NOPCHAP1: variants seen among roughly 807,000 people sequenced by gnomAD.
NOPCHAP1 encodes the protein NOP protein chaperone 1.
NOPCHAP1 carries 13 observed loss-of-function variants against 14.0 expected under a neutral mutation model. The observed-to-expected ratio is 0.93, with a 90% CI of 0.60 to 1.47. The LOEUF is 1.47. Among genes scored for constraint, NOPCHAP1 ranks in the 40% most tolerant of loss-of-function variants. NOPCHAP1 has a pLI of 0.00. For synonymous variants in NOPCHAP1, 78 were observed against 78.4 expected, an observed-to-expected ratio of 1.00 and a Z score of 0.03; for missense variants, 230 against 226.9, an observed-to-expected ratio of 1.01 and a Z score of -0.09.
chr12:104,988,066 A>G, intron 1 of NOPCHAP1, 101 bp from the exon 2 acceptor site: 1 of 842,160 alleles, frequency 1.2e-6, no homozygotes, highest in Non-Finnish European at 1.8e-6. Context: ...GGGAGTGTGG[A>G]CAGTCAAGTC....
chr12:105,000,150 G>C lies in NOPCHAP1; in HGVS notation c.*5454G>C, dbSNP rs1592750357. The C allele has an allele frequency of 6.6e-6, 1 of 152,214 alleles. No homozygotes were observed. The highest frequency in any genetic ancestry group is 6.5e-5 in the Admixed American group (1 of 15,290). 9.4% of individuals were successfully genotyped at this position (152,214 alleles called of 1,614,324 possible). A position where few individuals can be genotyped will look rare whatever the true frequency, so the allele number is the denominator to read the frequency against. On this transcript the variant is annotated 3_prime_UTR_variant, in exon 4 of 4. Coordinates refer to ENST00000552951, the MANE Select transcript of NOPCHAP1 (RefSeq NM_152318.3). ...CACATAGATAGTCCCCAAGTCTTGA[G>C]TATGTGATACCTGGAAGCATAATAT... is the stretch of plus-strand genomic sequence containing the variant.
Position 105,006,987 on chromosome 12 carries a change from G to A in NOPCHAP1, c.*12291G>A, listed in dbSNP as rs1180928093. On this transcript the variant is annotated 3_prime_UTR_variant, in exon 4 of 4. Transcript: ENST00000552951. Reference sequence around the variant, plus strand: ...ATTGGCACCTGGGAACTTGGCTGGTGCCTCTTGGTCAGCAGAAGCTGTTTC... The same window carrying A: ...ATTGGCACCTGGGAACTTGGCTGGTACCTCTTGGTCAGCAGAAGCTGTTTC... 1 of 150,052 alleles carries A rather than the reference G, an allele frequency of 6.7e-6. No homozygotes were observed. The highest frequency in any genetic ancestry group is 2.5e-5 in the African/African-American group (1 of 40,800). The allele number at this position is 150,052 out of a possible 1,614,324, so 9.3% of individuals were successfully genotyped here.
At chr12:104,991,581 A>C (rs549303606) in intron 2 of NOPCHAP1, 131 bp from the exon 3 acceptor site, 1 of 919,134 alleles carries the variant, frequency 1.1e-6, no homozygotes, top group Non-Finnish European at 1.6e-6. Context: ...AGGGTTTTTA[A>C]ATGAAGGGAA....
At chr12:104,988,093 G>A (rs551166663) in intron 1 of NOPCHAP1, 74 bp from the exon 2 acceptor site, 1 of 1,218,366 alleles carries the variant, frequency 8.2e-7, no homozygotes, top group East Asian at 2.5e-5. Context: ...CTGGTCATGT[G>A]AGAGGCTTAC....
rs553986930 is a variant in NOPCHAP1, at chr12:104,991,073, A to G, written c.203-639A>G. Among the ~76,000 whole-genome samples, 11 of 152,314 alleles carry G rather than the reference A, an allele frequency of 7.2e-5. 1 individual carries two copies. In the East Asian group the frequency reaches 2.1e-3, roughly 29 times the overall value. On this transcript the variant is annotated intron_variant, in intron 2 of 3. Transcript: ENST00000552951. ...ATTCAGCCAACTCAGTCATTCACTC[A>G]GAAAGATTTCTCTCTCAACAGTTCC...
chr12:105,007,051 C>A lies in NOPCHAP1; in HGVS notation c.*12355C>A, dbSNP rs1873723343. On this transcript the variant is annotated 3_prime_UTR_variant, in exon 4 of 4. Coordinates refer to ENST00000552951, the MANE Select transcript of NOPCHAP1 (RefSeq NM_152318.3). ...ACTTTTTTTTTTTTTTTAAGTCAAA[C>A]CTCTAAAATTATCAAAGCATCTTAT... 6.7e-6 allele frequency: 1 copy of A among 149,776 alleles called. No homozygotes were observed. The allele number at this position is 149,776 out of a possible 1,614,324, so 9.3% of individuals were successfully genotyped here.
chr12:104,986,498 C>T (rs1157387428), intron 1 of NOPCHAP1, 31 bp downstream of exon 1: 25 of 1,551,640 alleles, frequency 1.6e-5, no homozygotes, highest in Non-Finnish European at 2.1e-5. Context: ...GCATGGGCCG[C>T]ACACGTGCGG....
chr12:104,991,586 A>C lies in NOPCHAP1; in HGVS notation c.203-126A>C, dbSNP rs1458348418. The C allele has an allele frequency of 4.2e-6, 4 of 950,672 alleles. No individual in the cohort carries two copies. The East Asian group carries it at 1.1e-4, about 26-fold the overall frequency. 58.9% of individuals were successfully genotyped at this position (950,672 alleles called of 1,614,324 possible). On this transcript the variant is annotated intron_variant, in intron 2 of 3. Transcript: ENST00000552951. ...AAGAGGATGGAGGGTTTTTAAATGAAGGGAACTAAAAGATATGTAATTATG... is the reference window on the plus strand; with the variant it reads ...AAGAGGATGGAGGGTTTTTAAATGACGGGAACTAAAAGATATGTAATTATG...
Position 105,009,518 on chromosome 12 carries a change from G to C in NOPCHAP1, c.*14822G>C, listed in dbSNP as rs1873771873. On this transcript the variant is annotated 3_prime_UTR_variant, in exon 4 of 4. Transcript: ENST00000552951. ...ATACTATGTTGAATAGGAGTGGTGA[G>C]AGAGGGCATCCTTGTTTTGTGCTGG... 6.6e-6 allele frequency: 1 copy of C among 152,162 alleles called. No homozygotes were observed. The highest frequency in any genetic ancestry group is 2.1e-4 in the South Asian group (1 of 4,834). 9.4% of individuals were successfully genotyped at this position (152,162 alleles called of 1,614,324 possible).
intron 1 of NOPCHAP1, among the ~76,000 whole-genome samples, chr12:104,986,943 A>G (rs1297705615): frequency 6.6e-6 from 1 of 152,172 alleles, no homozygotes; most frequent in Non-Finnish European, 1.5e-5. Context: ...TGCATCCAGG[A>G]AATCCACACA....
At chr12:104,986,541 C>G in intron 1 of NOPCHAP1, 74 bp downstream of exon 1, 1 of 1,262,516 alleles carries the variant, frequency 7.9e-7, no homozygotes, top group Non-Finnish European at 1.1e-6. Flanking sequence ...GTTTGGGAGC[C>G]GGCCGGTGGC....
At position 104,994,614 on chromosome 12, in the gene NOPCHAP1, A is replaced by G. The variant is rs769146367; in HGVS notation, c.476A>G (p.Asp159Gly). 37 of 1,613,920 alleles carry G rather than the reference A, an allele frequency of 2.3e-5. No homozygotes were observed. Among genetic ancestry groups the G allele is most frequent in the Non-Finnish European group, 3.1e-5 (36 of 1,179,960 alleles). ...DDSIPSEVTI[D>G]NIKLPNSEGG... is the part of the protein sequence containing the mutation. ...AGCATCCCATCTGAAGTCACCATAG[A>G]TAACATTAAGCTTCCCAATTCTGAA... The change falls in exon 4 of 4, where the codon GAT (aspartate) becomes GGT (glycine). Residue 159 changes from aspartate to glycine, a missense_variant. Asp to Gly is a moderately conservative substitution (Grantham distance 94). Transcript: ENST00000552951.
At chr12:104,988,392 A>G in intron 2 of NOPCHAP1, 139 bp downstream of exon 2, 1 of 580,724 alleles carries the variant, frequency 1.7e-6, no homozygotes, top group East Asian at 2.8e-5. Context: ...GATTTACATG[A>G]TAAAGTCAGT....
chr12:104,988,116 G>GT (rs1240777221), intron 1 of NOPCHAP1, 51 bp from the exon 2 acceptor site: 3 of 1,421,672 alleles, frequency 2.1e-6, no homozygotes, highest in South Asian at 1.2e-5. Flanking sequence ...ATGGGCCTTT[G>GT]TTTTTTTATG....
rs971324302 is a variant in NOPCHAP1 at position 104,995,493 on chromosome 12, T to G, written c.*797T>G. ...AAAGAGGAGATCTAAGGCTGCATGA[T>G]ATCCCATTAAGTGCTTTTGTTAAAT... On this transcript the variant is annotated 3_prime_UTR_variant, in exon 4 of 4. Transcript: ENST00000552951. The G allele has an allele frequency of 2.0e-5, 3 of 152,210 alleles. No individual in the cohort carries two copies. Among genetic ancestry groups the G allele is most frequent in the Non-Finnish European group, 4.4e-5 (3 of 68,038 alleles). The allele number at this position is 152,210 out of a possible 1,614,324, so 9.4% of individuals were successfully genotyped here.
rs1873763359 is a variant in NOPCHAP1, at chr12:105,009,076, T to C, written c.*14380T>C. 1 of 152,210 alleles carries C rather than the reference T, an allele frequency of 6.6e-6. No individual in the cohort carries two copies. The highest frequency in any genetic ancestry group is 1.5e-5 in the Non-Finnish European group (1 of 68,030). 9.4% of individuals were successfully genotyped at this position (152,210 alleles called of 1,614,324 possible). A position where few individuals can be genotyped will look rare whatever the true frequency, so the allele number is the denominator to read the frequency against. On this transcript the variant is annotated 3_prime_UTR_variant, in exon 4 of 4. Coordinates refer to ENST00000552951, the MANE Select transcript of NOPCHAP1 (RefSeq NM_152318.3). ...TGAATCTATAAATTACTTTAGGCAG[T>C]ATGGCCATTTTCACGATATTGATTC...
rs1339473703 is a variant in NOPCHAP1, at chr12:105,002,578, A to G, written c.*7882A>G. ...TTTGTAGCAAAATCTTAGGAATTGA[A>G]TTTTAAAGGTTTTCAACAATTTTTC... On this transcript the variant is annotated 3_prime_UTR_variant, in exon 4 of 4. Transcript: ENST00000552951. The G allele has an allele frequency of 2.0e-5, 3 of 152,192 alleles. No individual in the cohort carries two copies. The highest frequency in any genetic ancestry group is 7.2e-5 in the African/African-American group (3 of 41,434). The allele number at this position is 152,192 out of a possible 1,614,324, so 9.4% of individuals were successfully genotyped here.
rs1181856500 is a variant in NOPCHAP1 at position 105,008,543 on chromosome 12, A to C, written c.*13847A>C. ...TTGACATTGCTTTTGGTGTTTAGTC[A>C]TGAAGTCTCTGCCAATGTCTGTGTC... On this transcript the variant is annotated 3_prime_UTR_variant, in exon 4 of 4. Coordinates refer to ENST00000552951, the MANE Select transcript of NOPCHAP1 (RefSeq NM_152318.3). 1 of 152,194 alleles carries C rather than the reference A, an allele frequency of 6.6e-6. No individual in the cohort carries two copies. The highest frequency in any genetic ancestry group is 2.4e-5 in the African/African-American group (1 of 41,460). The allele number at this position is 152,194 out of a possible 1,614,324, so 9.4% of individuals were successfully genotyped here.
rs1167113565 is a variant in NOPCHAP1 at position 105,008,520 on chromosome 12, G to A, written c.*13824G>A. On this transcript the variant is annotated 3_prime_UTR_variant, in exon 4 of 4. Transcript: ENST00000552951. ...CCATTTGTCTATTTTAGCTTTTGTT[G>A]ACATTGCTTTTGGTGTTTAGTCATG... The A allele has an allele frequency of 6.6e-6, 1 of 152,120 alleles. No homozygotes were observed. The highest frequency in any genetic ancestry group is 1.5e-5 in the Non-Finnish European group (1 of 68,028). The allele number at this position is 152,120 out of a possible 1,614,324, so 9.4% of individuals were successfully genotyped here.
Sources: allele counts gnomAD v4.1 joint callset (sites outside exome capture counted in the v4.1 genomes callset), GRCh38; gene constraint gnomAD v4.1.1; transcripts MANE v1.5; gene names NCBI Gene and HGNC (gene_info 2026-07-23, HGNC 2026-07-21).